The following FAT3 variants were observed in gnomAD, a reference collection of about 807,000 sequenced individuals.
The protein encoded by FAT3 is FAT atypical cadherin 3.
Under a neutral mutation model 310.2 loss-of-function variants are expected in FAT3, and 95 were observed. The ratio of observed to expected loss-of-function variants is 0.31; its 90% CI spans 0.26 to 0.36. The LOEUF (loss-of-function observed/expected upper bound fraction) is 0.36. Among genes scored for constraint, FAT3 ranks in the 10% least tolerant of loss-of-function variants. The pLI is 1.00. For synonymous variants in FAT3, 2,314 were observed against 2,192.9 expected (o/e 1.06, Z -1.54); for missense variants, 5,408 against 5,715.6 (o/e 0.95, Z 1.74).
chr11:92,761,860 C>T lies in FAT3; in HGVS notation c.3674C>T (p.Thr1225Ile), dbSNP rs2136083343. 1 of 1,612,430 alleles carries T rather than the reference C, an allele frequency of 6.2e-7. No individual in the cohort carries two copies. Among genetic ancestry groups the T allele is most frequent in the South Asian group, 1.1e-5 (1 of 91,002 alleles). Residue 1225 changes from threonine to isoleucine, a missense_variant, in exon 5 of 28, where the codon ACT (threonine) becomes ATT (isoleucine). By Grantham distance (89) the Thr-to-Ile change is moderately conservative (BLOSUM62 -1). This residue lies in a region of FAT3 where 4,588 missense variants were observed against 4,809.8 expected (regional missense o/e 0.95). Transcript: ENST00000525166. Reference protein sequence around the residue: ...EQQAEHFLEVTVTDGGPSPKQ... With the variant: ...EQQAEHFLEVIVTDGGPSPKQ... ...ACATCATACTCTCTTTTTCAGGTGA[C>T]TGTGACAGATGGTGGTCCCTCTCCA...
At chr11:92,669,854 A>T (rs1166349713) in intron 3 of FAT3, among the ~76,000 whole-genome samples, 1 of 152,208 alleles carries the variant, frequency 6.6e-6, no homozygotes, top group East Asian at 1.9e-4. Context: ...TGTGAAGATT[A>T]TATGAGAGCA....
chr11:92,419,264 A>T (rs1476326241), intron 2 of FAT3, among the ~76,000 whole-genome samples: 1 of 152,136 alleles, frequency 6.6e-6, no homozygotes, highest in Non-Finnish European at 1.5e-5. Context: ...GTTGCTATTA[A>T]CTTTTAATGT....
rs1474692373 is a variant in FAT3 at position 92,844,414 on chromosome 11, G to A, written c.11047G>A (p.Asp3683Asn). The A allele has an allele frequency of 6.2e-7, 1 of 1,613,822 alleles. No homozygotes were observed. Among genetic ancestry groups the A allele is most frequent in the Non-Finnish European group, 8.5e-7 (1 of 1,179,888 alleles). The change falls in exon 19 of 28, where the codon GAC becomes AAC. Residue 3683 changes from aspartate to asparagine, a missense_variant. Physicochemically the swap from Asp to Asn is conservative, Grantham distance 23. Coordinates refer to ENST00000525166, the MANE Select transcript of FAT3 (RefSeq NM_001367949.2). ...GAATGCAGTCCTCACCCAGAAGCAG[G>A]ACAGCCTGCGCATCATCAGCATCCA... ...LRNAVLTQKQ[D>N]SLRIISIQPV...
intron 3 of FAT3, among the ~76,000 whole-genome samples, chr11:92,652,425 A>G (rs1044751856): frequency 3.3e-5 from 5 of 152,230 alleles, no homozygotes; most frequent in Admixed American, 6.5e-5. Context: ...GCTTTTAAGA[A>G]TTTACAAAGA....
chr11:92,761,410 A>T (rs1946147920), intron 4 of FAT3, among the ~76,000 whole-genome samples: 1 of 152,194 alleles, frequency 6.6e-6, no homozygotes, highest in Admixed American at 6.5e-5. Flanking sequence ...TTAACATATG[A>T]ATTTTGAAGG....
At chr11:92,315,455 A>ATGTGTGTGTGTG (rs1157835093) in intron 1 of FAT3, among the ~76,000 whole-genome samples, 1 of 107,842 alleles carries the variant, frequency 9.3e-6, no homozygotes, top group African/African-American at 3.7e-5. Flanking sequence ...GTGTATATAT[A>ATGTGTGTGTGTG]TGTGTGTGTG....
At chr11:92,321,548 A>C (rs1166435610) in intron 1 of FAT3, among the ~76,000 whole-genome samples, 3 of 152,204 alleles carry the variant, frequency 2.0e-5, no homozygotes, top group African/African-American at 7.2e-5. Flanking sequence ...TAGACAAAAA[A>C]ATTTACTGGT....
chr11:92,520,215 TGTGA>T (rs1367868195), intron 2 of FAT3, among the ~76,000 whole-genome samples: 6 of 152,136 alleles, frequency 3.9e-5, no homozygotes, highest in African/African-American at 1.4e-4. Context: ...AAATAATTAC[TGTGA>T]GTGAACGAAA....
At chr11:92,344,658 G>A (rs1310846484) in intron 1 of FAT3, among the ~76,000 whole-genome samples, 1 of 152,220 alleles carries the variant, frequency 6.6e-6, no homozygotes, top group Non-Finnish European at 1.5e-5. Flanking sequence ...TTGTGAAGAA[G>A]GAAGAAGAAA....
chr11:92,674,074 T>C (rs1046418210), intron 3 of FAT3, among the ~76,000 whole-genome samples: 2 of 151,730 alleles, frequency 1.3e-5, no homozygotes, highest in East Asian at 3.9e-4. Flanking sequence ...CCAGCTACTC[T>C]GGAAGCTGAG....
chr11:92,705,670 TGTA>T (rs1412762171), intron 4 of FAT3, among the ~76,000 whole-genome samples: 9 of 67,054 alleles, frequency 1.3e-4, no homozygotes, highest in African/African-American at 5.7e-4. Context: ...GGTGTGATGG[TGTA>T]GTGATCGTGG....
intron 22 of FAT3, among the ~76,000 whole-genome samples, chr11:92,876,864 A>C (rs1243119452): frequency 6.6e-6 from 1 of 152,242 alleles, no homozygotes; most frequent in Admixed American, 6.5e-5. Context: ...ATCAAGCTTT[A>C]TAATCCCAAC....
intron 3 of FAT3, among the ~76,000 whole-genome samples, chr11:92,592,318 CTTT>C (rs753531647): frequency 1.8e-5 from 2 of 108,242 alleles, no homozygotes; most frequent in African/African-American, 7.3e-5. Context: ...TCCTAATTGT[CTTT>C]TTTTTTTTTT....
intron 4 of FAT3, among the ~76,000 whole-genome samples, chr11:92,735,666 A>T (rs1019546361): frequency 1.3e-4 from 20 of 152,072 alleles, no homozygotes; most frequent in Middle Eastern, 3.4e-3. Context: ...AGAAAAATTA[A>T]TTTACAATGA....
At chr11:92,714,185 G>A (rs2135955398) in intron 4 of FAT3, among the ~76,000 whole-genome samples, 1 of 152,094 alleles carries the variant, frequency 6.6e-6, no homozygotes, top group South Asian at 2.1e-4. Context: ...CAATAAATAT[G>A]CAGTGGTGAT....
At chr11:92,858,304 G>T (rs1296712038) in intron 20 of FAT3, among the ~76,000 whole-genome samples, 2 of 152,186 alleles carry the variant, frequency 1.3e-5, no homozygotes, top group Non-Finnish European at 2.9e-5. Context: ...GGAAAATTAT[G>T]CTGTCTCCTG....
chr11:92,504,856 C>CA (rs766320837), intron 2 of FAT3, among the ~76,000 whole-genome samples: 91 of 152,096 alleles, frequency 6.0e-4, no homozygotes, highest in Non-Finnish European at 9.9e-4. Flanking sequence ...ACATAGAAAA[C>CA]TGCAGAATTG....
intron 3 of FAT3, among the ~76,000 whole-genome samples, chr11:92,633,273 T>C (rs1302423047): frequency 2.0e-5 from 3 of 152,150 alleles, no homozygotes; most frequent in Non-Finnish European, 4.4e-5. Flanking sequence ...ACAGCCTTGA[T>C]ATAAGGGAGT....
intron 18 of FAT3, among the ~76,000 whole-genome samples, chr11:92,842,276 T>G (rs1948572798): frequency 6.6e-6 from 1 of 152,226 alleles, no homozygotes. Flanking sequence ...TTTCAGATTT[T>G]GAATTTCAGG....
Sources: gnomAD v4.1 joint callset for allele counts (sites outside exome capture counted in the v4.1 genomes callset) on GRCh38, gnomAD v4.1.1 for gene constraint, gnomAD v4.1.1 regional missense constraint, MANE v1.5 for transcripts, NCBI Gene and HGNC (gene_info 2026-07-23, HGNC 2026-07-21) for gene names.